RBPJ: variants seen among roughly 807,000 people sequenced by gnomAD.
RBPJ encodes the protein recombining binding protein suppressor of hairless.
A neutral mutation model predicts 67.8 loss-of-function variants in RBPJ; 9 were observed. The observed-to-expected ratio is 0.13, with a 90% CI of 0.08 to 0.23. The LOEUF is 0.23. Among genes scored for constraint, RBPJ ranks in the 10% least tolerant of loss-of-function variants. RBPJ has a pLI of 1.00. For missense variants in RBPJ, 305 were observed against 595.6 expected (o/e 0.51, Z 5.08); for synonymous variants, 198 against 203.3 (o/e 0.97, Z 0.22).
At chr4:26,138,381 A>AAG in the RBPJ span, among the ~76,000 whole-genome samples, 1 of 151,526 alleles carries the variant, frequency 6.6e-6, no homozygotes, top group Admixed American at 6.6e-5. Context: ...GAGAAAAAAA[A>AAG]AAAGGCAGAG....
At chr4:26,205,654 ACAGTCT>A (rs1477610502) in intron 1 of RBPJ, among the ~76,000 whole-genome samples, 1 of 152,116 alleles carries the variant, frequency 6.6e-6, no homozygotes, top group East Asian at 1.9e-4. Flanking sequence ...GTGCAGCGGT[ACAGTCT>A]CAGCTCACTG....
At chr4:26,226,440 A>C (rs1719078385) in intron 1 of RBPJ, among the ~76,000 whole-genome samples, 2 of 152,228 alleles carry the variant, frequency 1.3e-5, no homozygotes, top group Non-Finnish European at 2.9e-5. Context: ...GTACTACTGC[A>C]CTTGAGCCTG....
intron 1 of RBPJ, among the ~76,000 whole-genome samples, chr4:26,238,522 G>C (rs1014871234): frequency 1.3e-5 from 2 of 152,244 alleles, no homozygotes; most frequent in Non-Finnish European, 2.9e-5. Flanking sequence ...TTTTATAGTT[G>C]TAGGGTATCA....
chr4:26,429,006 T>G lies in RBPJ; in HGVS notation c.888+146T>G, dbSNP rs1735952870. 6 of 618,684 alleles carry G rather than the reference T, an allele frequency of 9.7e-6. No individual in the cohort carries two copies. The South Asian group carries it at 1.3e-4, about 14-fold the overall frequency. 38.3% of individuals were successfully genotyped at this position (618,684 alleles called of 1,614,324 possible). A position where few individuals can be genotyped will look rare whatever the true frequency, so the allele number is the denominator to read the frequency against. On this transcript the variant is annotated intron_variant, in intron 8 of 10. Transcript: ENST00000355476. ...TATTTATCTCAGGTATGAGCATCCT[T>G]AACACACAATCCTCAGACATGCAAG...
chr4:26,176,832 G>A (rs766015796), intron 1 of RBPJ, among the ~76,000 whole-genome samples: 4 of 152,252 alleles, frequency 2.6e-5, no homozygotes, highest in East Asian at 3.8e-4. Context: ...AGAGCTCAGC[G>A]TGTGCAGCCC....
At chr4:26,406,341 C>T in intron 3 of RBPJ, 71 bp downstream of exon 3, 1 of 943,572 alleles carries the variant, frequency 1.1e-6, no homozygotes, top group Non-Finnish European at 1.7e-6. Flanking sequence ...TATTAATATA[C>T]ATGTCAGAGG....
At chr4:26,351,371 G>A (rs1224612406) in intron 1 of RBPJ, among the ~76,000 whole-genome samples, 1 of 151,780 alleles carries the variant, frequency 6.6e-6, no homozygotes, top group Non-Finnish European at 1.5e-5. Flanking sequence ...GGCATCACTT[G>A]AGAGAATTTT....
chr4:26,411,224 A>C (rs544913212), intron 3 of RBPJ, among the ~76,000 whole-genome samples: 4 of 152,214 alleles, frequency 2.6e-5, no homozygotes, highest in Non-Finnish European at 1.5e-5. Context: ...CAGCCTGGGC[A>C]ACATAGTGAA....
At chr4:26,303,271 C>T (rs1248244099) in intron 1 of RBPJ, among the ~76,000 whole-genome samples, 1 of 138,646 alleles carries the variant, frequency 7.2e-6, no homozygotes, top group African/African-American at 2.6e-5. Context: ...ATATGTAATC[C>T]ATATGAAATA....
chr4:26,320,878 G>A, upstream of RBPJ: 2 of 1,580,436 alleles, frequency 1.3e-6, no homozygotes, highest in Non-Finnish European at 1.7e-6. Flanking sequence ...GAGGCGTCTG[G>A]CTCTTCGCGG....
chr4:26,232,045 C>T (rs535966156), intron 1 of RBPJ, among the ~76,000 whole-genome samples: 2 of 151,486 alleles, frequency 1.3e-5, no homozygotes, highest in Non-Finnish European at 2.9e-5. Flanking sequence ...GCATGCATCA[C>T]CATGCTCGGC....
intron 1 of RBPJ, among the ~76,000 whole-genome samples, chr4:26,356,807 C>CTTTTGT (rs1276365504): frequency 1.3e-5 from 2 of 152,224 alleles, no homozygotes; most frequent in Admixed American, 1.3e-4. Context: ...TAGGACCAGA[C>CTTTTGT]ACTTAGAAGT....
chr4:26,381,347 A>G (rs564805509), intron 1 of RBPJ, among the ~76,000 whole-genome samples: 1 of 152,208 alleles, frequency 6.6e-6, no homozygotes, highest in Admixed American at 6.5e-5. Context: ...TACTTACTTG[A>G]AAATTCTAAT....
intron 2 of RBPJ, among the ~76,000 whole-genome samples, chr4:26,395,780 A>T (rs1207583139): frequency 6.6e-6 from 1 of 152,236 alleles, no homozygotes; most frequent in Non-Finnish European, 1.5e-5. Flanking sequence ...GACTAAGACG[A>T]TTATATGTTC....
upstream of RBPJ, among the ~76,000 whole-genome samples, chr4:26,318,361 C>T (rs1327772759): frequency 1.3e-5 from 2 of 152,070 alleles, no homozygotes; most frequent in Non-Finnish European, 2.9e-5. Context: ...TTTACGTAAT[C>T]AGGAACTCAT....
chr4:26,413,582 C>G (rs536248567), intron 3 of RBPJ, among the ~76,000 whole-genome samples: 6 of 152,052 alleles, frequency 3.9e-5, no homozygotes, highest in Non-Finnish European at 5.9e-5. Flanking sequence ...ATTAAATAAA[C>G]CCAGCTTACT....
chr4:26,277,015 G>T (rs993645633), intron 1 of RBPJ, among the ~76,000 whole-genome samples: 6 of 151,786 alleles, frequency 4.0e-5, no homozygotes, highest in Admixed American at 2.0e-4. Context: ...GGAGAATCAC[G>T]CTCGCCTATA....
At chr4:26,241,034 G>A (rs771273659) in intron 1 of RBPJ, among the ~76,000 whole-genome samples, 3 of 151,762 alleles carry the variant, frequency 2.0e-5, no homozygotes, top group Admixed American at 6.6e-5. Context: ...CAAAACCCCC[G>A]TTTCTACAAA....
At chr4:26,415,694 GT>G in intron 4 of RBPJ, 54 bp downstream of exon 4, 1 of 1,470,416 alleles carries the variant, frequency 6.8e-7, no homozygotes, top group Non-Finnish European at 9.2e-7. Flanking sequence ...CCAGAATGTA[GT>G]TTTCATATTC....
Sources: gnomAD v4.1 joint callset for allele counts (sites outside exome capture counted in the v4.1 genomes callset) on GRCh38, gnomAD v4.1.1 for gene constraint, MANE v1.5 for transcripts, NCBI Gene and HGNC (gene_info 2026-07-23, HGNC 2026-07-21) for gene names.